Variants in PDE8B observed in about 807,000 individuals in gnomAD.
PDE8B encodes the protein high affinity cAMP-specific and IBMX-insensitive 3',5'-cyclic phosphodiesterase 8B.
PDE8B carries 26 observed loss-of-function variants against 101.3 expected under a neutral mutation model. The ratio of observed to expected loss-of-function variants is 0.26; its 90% CI spans 0.19 to 0.36. The LOEUF (loss-of-function observed/expected upper bound fraction) is 0.36, where lower values mean the gene tolerates loss of function less well. PDE8B is among the 10% of genes least tolerant of loss of function. PDE8B has a pLI of 1.00. For synonymous variants in PDE8B, 424 were observed against 429.3 expected, an observed-to-expected ratio of 0.99 and a Z score of 0.15; for missense variants, 810 against 1,163.1, an observed-to-expected ratio of 0.70 and a Z score of 4.42.
At chr5:77,219,438 A>C (rs1750594422) in intron 1 of PDE8B, among the ~76,000 whole-genome samples, 1 of 152,172 alleles carries the variant, frequency 6.6e-6, no homozygotes, top group South Asian at 2.1e-4. Flanking sequence ...ATTTTAAAGC[A>C]ACCTATCACC....
intron 1 of PDE8B, among the ~76,000 whole-genome samples, chr5:77,277,728 A>G (rs1259143359): frequency 1.3e-5 from 2 of 152,160 alleles, no homozygotes; most frequent in Non-Finnish European, 2.9e-5. Context: ...TTTTCAGCGT[A>G]GTTTCCCCTA....
At chr5:77,396,003 T>C (rs1212314638) in intron 10 of PDE8B, among the ~76,000 whole-genome samples, 4 of 152,240 alleles carry the variant, frequency 2.6e-5, no homozygotes, top group African/African-American at 4.8e-5. Context: ...GGATCACATA[T>C]AGCCATCTGT....
Position 77,413,218 on chromosome 5 carries a change from A to G in PDE8B, c.1820A>G (p.Asn607Ser), listed in dbSNP as rs764575152. Residue 607 changes from asparagine to serine, a missense_variant, in exon 17 of 22, where the codon AAC (asparagine) becomes AGC (serine). Asn to Ser is a conservative substitution (Grantham distance 46). Transcript: ENST00000264917. ...GCCTGGTTCCAAGTGATCGAAGCCA[A>G]CTACCACTCTTCCAATGCCTACCAC... is the stretch of plus-strand genomic sequence containing the variant. ...LRAWFQVIEA[N>S]YHSSNAYHNS... The G allele has an allele frequency of 1.5e-5, 25 of 1,613,894 alleles. No homozygotes were observed. Among genetic ancestry groups the G allele is most frequent in the Non-Finnish European group, 1.8e-5 (21 of 1,179,920 alleles).
chr5:77,166,550 G>A, the PDE8B span: 1 of 152,198 alleles, frequency 6.6e-6, no homozygotes, highest in East Asian at 1.9e-4. Context: ...CCTATCTAAG[G>A]CCAGGTTAAA....
intron 10 of PDE8B, among the ~76,000 whole-genome samples, chr5:77,361,397 T>C (rs1783067336): frequency 6.6e-6 from 1 of 152,278 alleles, no homozygotes; most frequent in South Asian, 2.1e-4. Flanking sequence ...CCCAAAAATA[T>C]CAAGAATGAT....
the PDE8B span, among the ~76,000 whole-genome samples, chr5:77,122,962 G>T: frequency 2.0e-5 from 3 of 152,116 alleles, no homozygotes; most frequent in African/African-American, 7.2e-5. Context: ...TTGTGATTCA[G>T]GGAGATGAAA....
At chr5:77,177,173 G>T in the PDE8B span, among the ~76,000 whole-genome samples, 7 of 152,006 alleles carry the variant, frequency 4.6e-5, no homozygotes, top group Non-Finnish European at 1.0e-4. Flanking sequence ...GCTCTGTTTC[G>T]CTGTATGATG....
chr5:77,249,527 A>G (rs1204938235), intron 1 of PDE8B, among the ~76,000 whole-genome samples: 4 of 152,216 alleles, frequency 2.6e-5, no homozygotes, highest in Non-Finnish European at 4.4e-5. Context: ...AGAGCTCAAA[A>G]TAAGGCACTG....
At chr5:77,331,270 G>T in intron 4 of PDE8B, 132 bp from the exon 5 acceptor site, 1 of 799,192 alleles carries the variant, frequency 1.3e-6, no homozygotes, top group Non-Finnish European at 2.2e-6. Context: ...GGTGTGCCCC[G>T]TGGGCACGTG....
chr5:77,200,028 T>TAA, the PDE8B span, among the ~76,000 whole-genome samples: 462 of 141,340 alleles, frequency 3.3e-3, 2 homozygotes, highest in African/African-American at 0.01. Flanking sequence ...CTCTATATAG[T>TAA]AAAAAAAAAA....
intron 1 of PDE8B, among the ~76,000 whole-genome samples, chr5:77,227,891 G>A (rs954879761): frequency 6.6e-6 from 1 of 152,144 alleles, no homozygotes; most frequent in African/African-American, 2.4e-5. Flanking sequence ...AGTTGAAAGG[G>A]ATAACACACA....
chr5:77,131,245 G>T, the PDE8B span: 1 of 152,214 alleles, frequency 6.6e-6, no homozygotes, highest in African/African-American at 2.4e-5. Flanking sequence ...CAATGGCTAG[G>T]CAGAGGCAGA....
At chr5:77,420,791 G>A (rs1224742638) in intron 19 of PDE8B, among the ~76,000 whole-genome samples, 1 of 152,160 alleles carries the variant, frequency 6.6e-6, no homozygotes, top group Non-Finnish European at 1.5e-5. Flanking sequence ...GAACTAGGAA[G>A]GTCATCCACT....
At chr5:77,165,620 A>C in the PDE8B span, 1 of 152,338 alleles carries the variant, frequency 6.6e-6, no homozygotes, top group Non-Finnish European at 1.5e-5. Context: ...ACTGGCATAA[A>C]AATTCCATTG....
In PDE8B at chr5:77,294,508, T is replaced by C. The variant is rs558979795; in HGVS notation, c.340-17486T>C. Among the ~76,000 whole-genome samples the C allele has an allele frequency of 6.6e-5, 10 of 152,044 alleles. No homozygotes were observed. In the East Asian group the frequency reaches 1.9e-3, roughly 29 times the overall value. ...AAGCAGAAGAGAAACTGCAACCTAATATTTCAAATGAGCTAAAAGAAATTA... is the reference window on the plus strand; with the variant it reads ...AAGCAGAAGAGAAACTGCAACCTAACATTTCAAATGAGCTAAAAGAAATTA... On this transcript the variant is annotated intron_variant, in intron 1 of 21. Coordinates refer to ENST00000264917, the MANE Select transcript of PDE8B (RefSeq NM_003719.5).
intron 1 of PDE8B, among the ~76,000 whole-genome samples, chr5:77,285,570 A>G (rs536855705): frequency 2.0e-5 from 3 of 152,276 alleles, no homozygotes; most frequent in African/African-American, 7.2e-5. Flanking sequence ...AATGTGCCTA[A>G]ACATAGTTTT....
At chr5:77,389,477 C>T (rs1432812872) in intron 10 of PDE8B, among the ~76,000 whole-genome samples, 4 of 151,502 alleles carry the variant, frequency 2.6e-5, no homozygotes, top group East Asian at 3.8e-4. Flanking sequence ...CCTTCTGCGG[C>T]GATCTCTCTG....
chr5:77,152,116 G>C, the PDE8B span: 4 of 152,038 alleles, frequency 2.6e-5, no homozygotes, highest in African/African-American at 7.2e-5. Context: ...GCCCAATGCT[G>C]GGCATACAGT....
At chr5:77,398,294 G>T (rs1372836325) in intron 10 of PDE8B, among the ~76,000 whole-genome samples, 13 of 140,076 alleles carry the variant, frequency 9.3e-5, no homozygotes, top group African/African-American at 1.1e-4. Context: ...TTTCCTAATT[G>T]TAATTCCTAA....
Sources: allele counts gnomAD v4.1 joint callset (sites outside exome capture counted in the v4.1 genomes callset), GRCh38; gene constraint gnomAD v4.1.1; transcripts MANE v1.5; gene names NCBI Gene and HGNC (gene_info 2026-07-23, HGNC 2026-07-21).